GCFC2: variants seen among roughly 807,000 people sequenced by gnomAD.
GCFC2 encodes intron Large complex component GCFC2.
A neutral mutation model predicts 99.4 loss-of-function variants in GCFC2; 102 were observed. That is an observed-to-expected ratio of 1.03 (90% CI 0.87 to 1.21). The LOEUF is 1.21. GCFC2 is among the 50% of genes most tolerant of loss of function. The probability of loss-of-function intolerance (pLI) is 0.00; values close to 1 mark genes in which losing one functional copy is unlikely to be tolerated. For missense variants in GCFC2, 973 were observed against 920.9 expected, an observed-to-expected ratio of 1.06 and a Z score of -0.73; for synonymous variants, 338 against 316.8, an observed-to-expected ratio of 1.07 and a Z score of -0.71.
At chr2:75,700,745 C>T (rs1680548031) in intron 4 of GCFC2, among the ~76,000 whole-genome samples, 1 of 151,978 alleles carries the variant, frequency 6.6e-6, no homozygotes, top group Non-Finnish European at 1.5e-5. Context: ...TGGAGGCCTC[C>T]CAAAAGATAC....
intron 12 of GCFC2, among the ~76,000 whole-genome samples, chr2:75,674,447 T>C (rs1679254944): frequency 6.6e-6 from 1 of 152,150 alleles, no homozygotes; most frequent in Non-Finnish European, 1.5e-5. Flanking sequence ...CGCAATGAGA[T>C]AACATTAAGC....
intron 3 of GCFC2, 187 bp downstream of exon 3, chr2:75,702,012 C>A: frequency 7.2e-7 from 1 of 1,397,662 alleles, no homozygotes; most frequent in South Asian, 1.7e-5. Context: ...TACACATACT[C>A]CTTGATAATA....
At chr2:75,680,353 A>G (rs756217940) in intron 11 of GCFC2, 39 bp from the exon 12 acceptor site, 2 of 1,556,436 alleles carry the variant, frequency 1.3e-6, no homozygotes, top group Admixed American at 3.6e-5. Context: ...TGTATTTACT[A>G]GATTGTTTTG....
Position 75,704,403 on chromosome 2 carries a change from C to T in GCFC2, c.395-1980G>A, listed in dbSNP as rs545198275. Among the ~76,000 whole-genome samples the T allele has an allele frequency of 4.6e-5, 7 of 152,300 alleles. No homozygotes were observed. In the South Asian group the frequency reaches 8.3e-4, roughly 18 times the overall value. On this transcript the variant is annotated intron_variant, in intron 2 of 16. Transcript: ENST00000321027. Reference sequence around the variant, plus strand: ...TTTCTTCGCCAGCCAATAAGTCCTTCGAACTTTCAGGTGTTCCTCACAGGA... The same window carrying T: ...TTTCTTCGCCAGCCAATAAGTCCTTTGAACTTTCAGGTGTTCCTCACAGGA...
intron 2 of GCFC2, 26 bp from the exon 3 acceptor site, chr2:75,702,449 TA>T: frequency 6.3e-7 from 1 of 1,585,428 alleles, no homozygotes; most frequent in Non-Finnish European, 8.6e-7. Flanking sequence ...ACGAGGACAC[TA>T]AAAACCAAAG....
chr2:75,675,740 T>TTAA (rs1465946391), intron 12 of GCFC2, among the ~76,000 whole-genome samples: 2 of 83,254 alleles, frequency 2.4e-5, no homozygotes, highest in African/African-American at 2.3e-4. Context: ...TAAGGTTCTG[T>TTAA]CAAAAAAAAA....
At chr2:75,689,926 TTCAAAAC>T (rs1373893813) in intron 9 of GCFC2, 36 bp downstream of exon 9, 1 of 1,036,566 alleles carries the variant, frequency 9.6e-7, no homozygotes, top group East Asian at 2.6e-5. Context: ...TTCTCACCAT[TTCAAAAC>T]TCAAACCATG....
At chr2:75,680,342 A>G (rs561415187) in intron 11 of GCFC2, 28 bp from the exon 12 acceptor site, 3 of 1,588,982 alleles carry the variant, frequency 1.9e-6, no homozygotes, top group African/African-American at 2.7e-5. Context: ...GTGGTACACA[A>G]TGTATTTACT....
intron 14 of GCFC2, among the ~76,000 whole-genome samples, chr2:75,671,345 C>G (rs1679082023): frequency 6.6e-6 from 1 of 152,234 alleles, no homozygotes; most frequent in African/African-American, 2.4e-5. Context: ...TCCCAAATCT[C>G]TAGCTCAGAT....
intron 9 of GCFC2, 146 bp from the exon 10 acceptor site, chr2:75,689,371 CAACA>C (rs1679954810): frequency 1.8e-6 from 1 of 541,308 alleles, no homozygotes; most frequent in Non-Finnish European, 3.2e-6. Context: ...ATCACTTTAT[CAACA>C]AAGTAATAAT....
At chr2:75,709,866 G>T (rs1282381851) in intron 1 of GCFC2, among the ~76,000 whole-genome samples, 2 of 152,072 alleles carry the variant, frequency 1.3e-5, no homozygotes, top group African/African-American at 4.8e-5. Flanking sequence ...AAAATAATAG[G>T]AAGATTTTAG....
chr2:75,700,205 T>C (rs1482301334), intron 4 of GCFC2, among the ~76,000 whole-genome samples: 2 of 152,198 alleles, frequency 1.3e-5, no homozygotes, highest in Non-Finnish European at 2.9e-5. Flanking sequence ...CACCTTACTG[T>C]ATTGTACCAA....
At chr2:75,667,460 T>C (rs940329126) in intron 15 of GCFC2, among the ~76,000 whole-genome samples, 1 of 152,222 alleles carries the variant, frequency 6.6e-6, no homozygotes, top group Non-Finnish European at 1.5e-5. Flanking sequence ...CTTTCTAAGA[T>C]TGGTCAGCAT....
chr2:75,712,698 C>G (rs1419803419), upstream of GCFC2, among the ~76,000 whole-genome samples: 1 of 152,142 alleles, frequency 6.6e-6, no homozygotes, highest in Non-Finnish European at 1.5e-5. Flanking sequence ...AGATCTGCAG[C>G]TTCATTCCTG....
At chr2:75,692,170 T>A (rs111967112) in intron 6 of GCFC2, 70 bp from the exon 7 acceptor site, 46 of 450,340 alleles carry the variant, frequency 1.0e-4, no homozygotes, top group East Asian at 3.1e-4. Flanking sequence ...TATATATATA[T>A]AAAAGTAATA....
intron 8 of GCFC2, 33 bp downstream of exon 8, chr2:75,690,605 T>C: frequency 1.0e-6 from 1 of 968,862 alleles, no homozygotes; most frequent in Non-Finnish European, 1.6e-6. Context: ...TGCTCAATGA[T>C]GCTTTCTTTA....
At chr2:75,702,478 T>C in intron 2 of GCFC2, 55 bp from the exon 3 acceptor site, 2 of 1,371,462 alleles carry the variant, frequency 1.5e-6, no homozygotes, top group Non-Finnish European at 2.0e-6. Flanking sequence ...TAAGTAAATA[T>C]TCCTCACATT....
At position 75,689,245 on chromosome 2, in the gene GCFC2, C is replaced by T. The variant is rs775409117; in HGVS notation, c.1340-20G>A. On this transcript the variant is annotated intron_variant, in intron 9 of 16. Transcript: ENST00000321027. The stretch of plus-strand genomic sequence containing the variant: ...TGTCACCTGTAAACAAAATAAGTCT[C>T]TTTATGCATTTTAAGTTGTGAACTT... 1.4e-5 allele frequency: 19 copies of T among 1,371,362 alleles called. No individual in the cohort carries two copies. The highest frequency in any genetic ancestry group is 2.0e-5 in the Non-Finnish European group (19 of 968,326). 84.9% of individuals were successfully genotyped at this position (1,371,362 alleles called of 1,614,324 possible).
intron 6 of GCFC2, among the ~76,000 whole-genome samples, chr2:75,692,944 T>C (rs1052700608): frequency 7.2e-5 from 11 of 152,130 alleles, no homozygotes; most frequent in African/African-American, 2.2e-4. Flanking sequence ...TCCTACTCCA[T>C]TGATACTCCA....
Sources: allele counts gnomAD v4.1 joint callset (sites outside exome capture counted in the v4.1 genomes callset), GRCh38; gene constraint gnomAD v4.1.1; transcripts MANE v1.5; gene names NCBI Gene and HGNC (gene_info 2026-07-23, HGNC 2026-07-21).